Variants in FGF14 observed in about 807,000 individuals in gnomAD.
The protein encoded by FGF14 is fibroblast growth factor 14.
Under a neutral mutation model 25.5 loss-of-function variants are expected in FGF14, and 5 were observed. That is an observed-to-expected ratio of 0.20 (90% CI 0.10 to 0.41). The LOEUF (loss-of-function observed/expected upper bound fraction) is 0.41, where lower values mean the gene tolerates loss of function less well. Ranked by LOEUF, FGF14 falls within the 10% of genes least tolerant of loss-of-function variation. The pLI is 1.00. For missense variants in FGF14, 222 were observed against 320.1 expected, an observed-to-expected ratio of 0.69 and a Z score of 2.34; for synonymous variants, 138 against 118.3, an observed-to-expected ratio of 1.17 and a Z score of -1.08.
chr13:102,187,044 G>T (rs2048905982), intron 1 of FGF14, among the ~76,000 whole-genome samples: 1 of 152,198 alleles, frequency 6.6e-6, no homozygotes, highest in Non-Finnish European at 1.5e-5. Flanking sequence ...GCACATGCCT[G>T]AGTTATTTAG....
chr13:101,865,058 A>C (rs1273014284), intron 3 of FGF14, among the ~76,000 whole-genome samples: 2 of 152,158 alleles, frequency 1.3e-5, no homozygotes, highest in Non-Finnish European at 2.9e-5. Context: ...AGATTTACTC[A>C]TTGTATCATC....
intron 3 of FGF14, among the ~76,000 whole-genome samples, chr13:101,736,187 T>C (rs938566932): frequency 2.0e-5 from 3 of 152,158 alleles, no homozygotes; most frequent in Non-Finnish European, 4.4e-5. Flanking sequence ...GCCAAATATA[T>C]ATATGTATGT....
chr13:102,111,368 T>C (rs963852974), intron 1 of FGF14, among the ~76,000 whole-genome samples: 6 of 152,202 alleles, frequency 3.9e-5, no homozygotes. Context: ...TTCTCATGTG[T>C]GGTTAAGGAT....
At chr13:102,061,095 T>C (rs950681063) in intron 1 of FGF14, among the ~76,000 whole-genome samples, 1 of 152,108 alleles carries the variant, frequency 6.6e-6, no homozygotes, top group African/African-American at 2.4e-5. Flanking sequence ...TGGCTCCACA[T>C]CCATCGGCTG....
intron 1 of FGF14, among the ~76,000 whole-genome samples, chr13:102,289,666 T>C (rs537025832): frequency 1.6e-4 from 25 of 152,318 alleles, no homozygotes; most frequent in Middle Eastern, 3.4e-3. Flanking sequence ...TTGCAGATCG[T>C]AGTTTGCTGA....
At chr13:101,935,616 C>T (rs2035049850) in intron 1 of FGF14, among the ~76,000 whole-genome samples, 1 of 152,158 alleles carries the variant, frequency 6.6e-6, no homozygotes, top group African/African-American at 2.4e-5. Flanking sequence ...AGGTGCCTTC[C>T]ACTATGATTG....
intron 1 of FGF14, among the ~76,000 whole-genome samples, chr13:102,295,096 T>A (rs2054630941): frequency 1.3e-5 from 2 of 152,104 alleles, no homozygotes; most frequent in East Asian, 3.8e-4. Context: ...CCCATAGGAG[T>A]TTAAAACCAG....
rs1432576521 is a variant in FGF14 at position 102,115,079 on chromosome 13, G to A, written c.209-239783C>T. On this transcript the variant is annotated intron_variant, in intron 1 of 4. Transcript: ENST00000376131. ...ATAATATTTGAGAAATGAGAGTGGAGAACCCCTGCCCACCAGGTAAATGAT... is the reference window on the plus strand; with the variant it reads ...ATAATATTTGAGAAATGAGAGTGGAAAACCCCTGCCCACCAGGTAAATGAT... Among the ~76,000 whole-genome samples the A allele has an allele frequency of 2.0e-5, 3 of 152,180 alleles. No individual in the cohort carries two copies. In the East Asian group the frequency reaches 5.8e-4, roughly 29 times the overall value.
chr13:102,313,608 G>A (rs1277111633), intron 1 of FGF14, among the ~76,000 whole-genome samples: 1 of 152,074 alleles, frequency 6.6e-6, no homozygotes, highest in East Asian at 1.9e-4. Flanking sequence ...GTTGGGCAGG[G>A]GAGGGGGGTA....
intron 1 of FGF14, among the ~76,000 whole-genome samples, chr13:101,968,514 A>G (rs1271512843): frequency 1.3e-5 from 2 of 152,022 alleles, no homozygotes; most frequent in African/African-American, 4.8e-5. Flanking sequence ...TCCACTAAAA[A>G]TACAAAAAAT....
chr13:102,245,259 T>A (rs1414193664), intron 1 of FGF14, among the ~76,000 whole-genome samples: 1 of 152,126 alleles, frequency 6.6e-6, no homozygotes, highest in East Asian at 1.9e-4. Flanking sequence ...AAGAATAATG[T>A]AGTTGTGTGT....
At chr13:102,203,232 G>C (rs1375398146) in intron 1 of FGF14, among the ~76,000 whole-genome samples, 1 of 152,152 alleles carries the variant, frequency 6.6e-6, no homozygotes, top group Non-Finnish European at 1.5e-5. Flanking sequence ...CATCTCCCAA[G>C]TGCATATCAA....
intron 1 of FGF14, among the ~76,000 whole-genome samples, chr13:102,085,033 T>C (rs1410581262): frequency 6.6e-6 from 1 of 152,190 alleles, no homozygotes; most frequent in East Asian, 1.9e-4. Flanking sequence ...GGAAATATCA[T>C]TGACCAAATT....
At chr13:102,138,961 A>G (rs6491666) in intron 1 of FGF14, among the ~76,000 whole-genome samples, 151,603 of 152,362 alleles carry the variant, frequency 1, 75,424 homozygotes, top group Middle Eastern at 1. Flanking sequence ...AGTACTGTGT[A>G]CTTTTTATTT....
intron 1 of FGF14, among the ~76,000 whole-genome samples, chr13:102,081,559 AT>A (rs2043622501): frequency 6.6e-6 from 1 of 152,138 alleles, no homozygotes. Context: ...CTTTCACTTA[AT>A]GAAAAGATTT....
chr13:102,158,530 G>T (rs1267317359), intron 1 of FGF14, among the ~76,000 whole-genome samples: 6 of 135,022 alleles, frequency 4.4e-5, no homozygotes, highest in Admixed American at 2.3e-4. Context: ...TGGGGTGGGG[G>T]TAGCGGGGGG....
intron 1 of FGF14, among the ~76,000 whole-genome samples, chr13:102,155,112 A>G (rs1394462580): frequency 2.6e-5 from 4 of 152,228 alleles, no homozygotes; most frequent in Non-Finnish European, 4.4e-5. Flanking sequence ...AATGAGACAG[A>G]AAGTTAACAA....
intron 3 of FGF14, among the ~76,000 whole-genome samples, chr13:101,850,144 A>G (rs999069849): frequency 6.6e-6 from 1 of 151,502 alleles, no homozygotes; most frequent in African/African-American, 2.4e-5. Context: ...ATAATATTTA[A>G]GTGTTCTGGC....
intron 1 of FGF14, among the ~76,000 whole-genome samples, chr13:101,889,819 C>A (rs1180483652): frequency 6.6e-6 from 1 of 152,226 alleles, no homozygotes; most frequent in Non-Finnish European, 1.5e-5. Context: ...CCAACCTCTA[C>A]ATGTTTCAGG....
Sources: gnomAD v4.1 joint callset for allele counts (sites outside exome capture counted in the v4.1 genomes callset) on GRCh38, gnomAD v4.1.1 for gene constraint, MANE v1.5 for transcripts, NCBI Gene and HGNC (gene_info 2026-07-23, HGNC 2026-07-21) for gene names.